The following LRRK1 variants were observed in gnomAD, a reference collection of about 807,000 sequenced individuals.
LRRK1 encodes leucine rich repeat kinase 1.
LRRK1 carries 113 observed loss-of-function variants against 209.1 expected under a neutral mutation model. The ratio of observed to expected loss-of-function variants is 0.54; its 90% confidence interval spans 0.46 to 0.63. The LOEUF is 0.63. Ranked by LOEUF, LRRK1 falls within the 30% of genes least tolerant of loss-of-function variation. The probability of loss-of-function intolerance (pLI) is 0.00; values close to 1 mark genes in which losing one functional copy is unlikely to be tolerated. For missense variants in LRRK1, 2,284 were observed against 2,632.2 expected (o/e 0.87, Z 2.89); for synonymous variants, 1,144 against 1,099.7 (o/e 1.04, Z -0.80).
chr15:101,057,458 T>C (rs1459072394), intron 28 of LRRK1, among the ~76,000 whole-genome samples: 2 of 152,202 alleles, frequency 1.3e-5, no homozygotes, highest in Middle Eastern at 3.2e-3. Flanking sequence ...TTTTGTGTTT[T>C]TGGAAGAGGC....
chr15:100,993,528 C>G (rs1373647032), intron 6 of LRRK1, among the ~76,000 whole-genome samples: 1 of 152,200 alleles, frequency 6.6e-6, no homozygotes, highest in Non-Finnish European at 1.5e-5. Flanking sequence ...CAAATGGCCA[C>G]CTTAATCCTG....
At chr15:100,966,366 G>T (rs1252961055) in intron 2 of LRRK1, among the ~76,000 whole-genome samples, 1 of 152,084 alleles carries the variant, frequency 6.6e-6, no homozygotes, top group East Asian at 1.9e-4. Flanking sequence ...TTTTTTCAGT[G>T]AGAATGTGTT....
rs112654424 is a variant in LRRK1 at position 101,060,998 on chromosome 15, G to A, written c.4680-173G>A. 3.6e-3 allele frequency among the ~76,000 whole-genome samples: 550 copies of A among 152,340 alleles called. 2 individuals are homozygous for A. The highest frequency in any genetic ancestry group is 5.7e-3 in the Non-Finnish European group (390 of 68,028). On this transcript the variant is annotated intron_variant, in intron 29 of 33. Transcript: ENST00000388948. ...GGCGAATGCCCTTCCTGCGGGCGACGGTCAAGCATTACCCTTCGGGCAGAA... is the reference window on the plus strand; with the variant it reads ...GGCGAATGCCCTTCCTGCGGGCGACAGTCAAGCATTACCCTTCGGGCAGAA...
At chr15:100,958,327 G>A (rs1410656443) in intron 2 of LRRK1, among the ~76,000 whole-genome samples, 1 of 152,210 alleles carries the variant, frequency 6.6e-6, no homozygotes, top group East Asian at 1.9e-4. Flanking sequence ...TTGAGCTTCA[G>A]CTGTATGCTG....
intron 20 of LRRK1, among the ~76,000 whole-genome samples, chr15:101,037,040 G>A (rs1341967923): frequency 6.6e-6 from 1 of 152,180 alleles, no homozygotes; most frequent in Non-Finnish European, 1.5e-5. Flanking sequence ...GGTATACACT[G>A]GCACCAGTGT....
At position 101,053,062 on chromosome 15, in the gene LRRK1, T is replaced by G. The variant is rs1184937563; in HGVS notation, c.3830T>G (p.Phe1277Cys). The change falls in exon 25 of 34, where the codon TTC becomes TGC. Residue 1277 changes from phenylalanine (F) to cysteine (C), a missense_variant. By Grantham distance (205) the Phe-to-Cys change is radical. Coordinates refer to ENST00000388948, the MANE Select transcript of LRRK1 (RefSeq NM_024652.6). ...VAVKRFHIKK[F>C]KNFANVPADT... ...GTCAAGCGCTTCCACATCAAAAAAT[T>G]CAAGAACTTTGCTAACGTACCGGCA... 3.1e-6 allele frequency: 5 copies of G among 1,610,716 alleles called. No homozygotes were observed. The highest frequency in any genetic ancestry group is 4.2e-6 in the Non-Finnish European group (5 of 1,177,672).
At position 101,065,411 on chromosome 15, in the gene LRRK1, G is replaced by A. The variant is rs771889862; in HGVS notation, c.4974G>A (p.Val1658=). The A allele has an allele frequency of 3.1e-6, 5 of 1,614,026 alleles. No individual in the cohort carries two copies. The highest frequency in any genetic ancestry group is 3.4e-6 in the Non-Finnish European group (4 of 1,180,054). ...ADGLVAVFPV[V]RGTPKDSCSY... is the part of the protein sequence containing the mutation. ...GGCTTGTGGCTGTGTTTCCCGTGGT[G>A]CGGGGCACCCCAAAGGACAGCTGCT... Residue 1658 remains valine (V), a synonymous_variant, in exon 32 of 34, where the codon GTG becomes GTA. Transcript: ENST00000388948.
chr15:100,997,615 T>C (rs2032479997), intron 6 of LRRK1, among the ~76,000 whole-genome samples: 1 of 152,190 alleles, frequency 6.6e-6, no homozygotes, highest in Admixed American at 6.5e-5. Flanking sequence ...AAAATAAATA[T>C]ACACAATGAG....
intron 2 of LRRK1, among the ~76,000 whole-genome samples, chr15:100,935,289 G>C (rs1290088323): frequency 6.6e-6 from 1 of 152,208 alleles, no homozygotes; most frequent in Non-Finnish European, 1.5e-5. Context: ...GAAGGTGTCT[G>C]GGGGGAGGTG....
chr15:101,045,458 G>A (rs1227295310), intron 20 of LRRK1, among the ~76,000 whole-genome samples: 1 of 152,146 alleles, frequency 6.6e-6, no homozygotes, highest in Non-Finnish European at 1.5e-5. Context: ...TCCCTCTTCC[G>A]CACAAAACAG....
Position 101,052,536 on chromosome 15 carries a change from T to C in LRRK1, c.3690-386T>C, listed in dbSNP as rs563816393. Among the ~76,000 whole-genome samples the C allele has an allele frequency of 1.6e-4, 25 of 152,322 alleles. No individual in the cohort carries two copies. In the South Asian group the frequency reaches 4.4e-3, roughly 27 times the overall value. ...CCCTCAAATCTGTTCTTAGAGTTTATTGTACCTATGCTAACCCAAGATCAT... is the reference window on the plus strand; with the variant it reads ...CCCTCAAATCTGTTCTTAGAGTTTACTGTACCTATGCTAACCCAAGATCAT... On this transcript the variant is annotated intron_variant, in intron 24 of 33. Coordinates refer to ENST00000388948, the MANE Select transcript of LRRK1 (RefSeq NM_024652.6).
At chr15:101,014,234 G>A (rs1596274899) in intron 10 of LRRK1, 82 bp from the exon 11 acceptor site, 1 of 997,122 alleles carries the variant, frequency 1.0e-6, no homozygotes, top group Admixed American at 2.1e-5. Flanking sequence ...GCGTGGTTGG[G>A]AACTGACTGG....
At chr15:101,031,292 A>G (rs766512613) in intron 20 of LRRK1, among the ~76,000 whole-genome samples, 9 of 152,246 alleles carry the variant, frequency 5.9e-5, no homozygotes, top group Non-Finnish European at 1.3e-4. Context: ...TGTCAGCACC[A>G]GCACTCTGAC....
At chr15:100,922,787 C>T (rs2042042315) in intron 1 of LRRK1, among the ~76,000 whole-genome samples, 1 of 151,952 alleles carries the variant, frequency 6.6e-6, no homozygotes, top group Non-Finnish European at 1.5e-5. Context: ...TTCCCAACTT[C>T]AAACACAGGT....
In LRRK1 at chr15:101,073,576, C is replaced by G. The variant is rs1386409972; in HGVS notation, c.*4728C>G. 1.3e-5 allele frequency: 2 copies of G among 152,110 alleles called. No homozygotes were observed. The highest frequency in any genetic ancestry group is 2.9e-5 in the Non-Finnish European group (2 of 68,040). 9.4% of individuals were successfully genotyped at this position (152,110 alleles called of 1,614,324 possible). ...AACCTCATATCTCTGCGCCCCAATC[C>G]CTTATTTCTGTGCCCCAACCTCTTA... is the stretch of plus-strand genomic sequence containing the variant. On this transcript the variant is annotated 3_prime_UTR_variant, in exon 34 of 34. Transcript: ENST00000388948.
intron 22 of LRRK1, 129 bp from the exon 23 acceptor site, chr15:101,049,515 T>C (rs976612860): frequency 3.9e-6 from 4 of 1,024,798 alleles, no homozygotes; most frequent in Non-Finnish European, 5.7e-6. Flanking sequence ...GAGTCCCCCA[T>C]CGGTCCTGCA....
rs546954477 is a variant in LRRK1 at position 100,957,867 on chromosome 15, C to CTGT, written c.98-15925_98-15923dup. On this transcript the variant is annotated intron_variant, in intron 2 of 33. Transcript: ENST00000388948. ...TATTTTCGGATTGTTCTGTAGTTGGCTGTTGTTGTTGTTGCTGAGACGGAG... is the reference window on the plus strand; with the variant it reads ...TATTTTCGGATTGTTCTGTAGTTGGCTGTTGTTGTTGTTGTTGCTGAGACGGAG... Among the ~76,000 whole-genome samples, 43 of 152,270 alleles carry CTGT rather than the reference C, an allele frequency of 2.8e-4. 2 individuals are homozygous for CTGT. The East Asian group carries it at 7.9e-3, about 28-fold the overall frequency.
chr15:101,043,565 A>C (rs2034881923), intron 20 of LRRK1, among the ~76,000 whole-genome samples: 1 of 152,146 alleles, frequency 6.6e-6, no homozygotes, highest in Non-Finnish European at 1.5e-5. Flanking sequence ...TCAGTTATCT[A>C]TATGAAGTCA....
At chr15:101,058,619 G>GGGT (rs1042586261) in intron 29 of LRRK1, among the ~76,000 whole-genome samples, 1 of 141,880 alleles carries the variant, frequency 7.0e-6, no homozygotes, top group African/African-American at 3.0e-5. Context: ...AGGGGCAACG[G>GGGT]GGGGGGGCGT....
Sources: allele counts gnomAD v4.1 joint callset (sites outside exome capture counted in the v4.1 genomes callset), GRCh38; gene constraint gnomAD v4.1.1; transcripts MANE v1.5; gene names NCBI Gene and HGNC (gene_info 2026-07-23, HGNC 2026-07-21).